Variants in PHF21A observed in about 807,000 individuals in gnomAD.
PHF21A encodes BHC80a.
Under a neutral mutation model 82.5 loss-of-function variants are expected in PHF21A, and 11 were observed. The observed-to-expected ratio is 0.13, with a 90% CI of 0.08 to 0.22. The LOEUF (loss-of-function observed/expected upper bound fraction) is 0.22, where lower values mean the gene tolerates loss of function less well. PHF21A is among the 10% of genes least tolerant of loss of function. The pLI, the probability that PHF21A is intolerant of heterozygous loss-of-function variation, is 1.00. For synonymous variants in PHF21A, 297 were observed against 302.8 expected, an observed-to-expected ratio of 0.98 and a Z score of 0.20; for missense variants, 579 against 837.8, an observed-to-expected ratio of 0.69 and a Z score of 3.81.
At chr11:46,030,031 C>G (rs1233879652) in intron 6 of PHF21A, among the ~76,000 whole-genome samples, 1 of 152,178 alleles carries the variant, frequency 6.6e-6, no homozygotes, top group Non-Finnish European at 1.5e-5. Flanking sequence ...GTATTACGCT[C>G]TGTACAAGAA....
rs1003685979 is a variant in PHF21A, at chr11:45,984,961, C to T, written c.154-4995G>A. Among the ~76,000 whole-genome samples the T allele has an allele frequency of 7.9e-5, 12 of 152,294 alleles. No homozygotes were observed. The East Asian group carries it at 2.3e-3, about 29-fold the overall frequency. ...ATCAACATGCAATTTAAAAATACAA[C>T]CTTCACTCTTTATACCAGAGGCTGA... On this transcript the variant is annotated intron_variant, in intron 6 of 18. Transcript: ENST00000676320.
At chr11:46,017,763 A>G (rs2095545567) in intron 6 of PHF21A, among the ~76,000 whole-genome samples, 1 of 152,214 alleles carries the variant, frequency 6.6e-6, no homozygotes, top group Non-Finnish European at 1.5e-5. Context: ...ACTGATAGGA[A>G]AAACTAATCT....
intron 4 of PHF21A, among the ~76,000 whole-genome samples, chr11:46,079,589 T>C (rs967315310): frequency 6.6e-6 from 1 of 152,206 alleles, no homozygotes; most frequent in Non-Finnish European, 1.5e-5. Flanking sequence ...GCAGGTCTAT[T>C]GGTTTGTTTC....
intron 7 of PHF21A, 30 bp from the exon 8 acceptor site, chr11:45,971,397 C>A (rs771170218): frequency 4.3e-5 from 68 of 1,587,354 alleles, no homozygotes; most frequent in Non-Finnish European, 5.0e-5. Context: ...GATATTAGGA[C>A]ACTAAATCTA....
At chr11:46,071,174 C>T (rs191659643) in intron 6 of PHF21A, among the ~76,000 whole-genome samples, 31 of 152,340 alleles carry the variant, frequency 2.0e-4, no homozygotes, top group Admixed American at 1.3e-4. Context: ...GAGATGTTAA[C>T]AAACCTGATG....
Position 46,084,300 on chromosome 11 carries a change from C to G in PHF21A, c.-81G>C. The G allele has an allele frequency of 1.0e-6, 1 of 955,026 alleles. No homozygotes were observed. The highest frequency in any genetic ancestry group is 1.6e-6 in the Non-Finnish European group (1 of 628,918). 59.2% of individuals were successfully genotyped at this position (955,026 alleles called of 1,614,324 possible). ...AAGTAACAAACTCCTCTTCTCACTG[C>G]AGCTGTAAAGATCATAAAATGTTTT... On this transcript the variant is annotated splice_region_variant and 5_prime_UTR_variant, in exon 4 of 19. Coordinates refer to ENST00000676320, the MANE Select transcript of PHF21A (RefSeq NM_001352027.3).
chr11:45,986,852 A>C (rs1285402007), intron 6 of PHF21A, among the ~76,000 whole-genome samples: 1 of 152,182 alleles, frequency 6.6e-6, no homozygotes, highest in Non-Finnish European at 1.5e-5. Context: ...TTGATTTTTA[A>C]CATCTAATCA....
chr11:45,996,688 T>A (rs1337623102), intron 6 of PHF21A, among the ~76,000 whole-genome samples: 1 of 152,198 alleles, frequency 6.6e-6, no homozygotes, highest in Non-Finnish European at 1.5e-5. Flanking sequence ...TGAAAGTAGG[T>A]GTTGGCACAA....
At chr11:46,000,101 A>G (rs1166616140) in intron 6 of PHF21A, among the ~76,000 whole-genome samples, 1 of 152,214 alleles carries the variant, frequency 6.6e-6, no homozygotes, top group Non-Finnish European at 1.5e-5. Context: ...TAACTGCTTG[A>G]TAGGTGTAAG....
At chr11:46,096,154 T>TCC (rs2096991689) in intron 1 of PHF21A, among the ~76,000 whole-genome samples, 1 of 152,046 alleles carries the variant, frequency 6.6e-6, no homozygotes, top group Admixed American at 6.6e-5. Flanking sequence ...TTAATAACCA[T>TCC]CCCTCTTGTA....
chr11:45,978,373 T>C (rs945920173), intron 7 of PHF21A, among the ~76,000 whole-genome samples: 4 of 152,096 alleles, frequency 2.6e-5, no homozygotes, highest in Admixed American at 6.5e-5. Flanking sequence ...CTCTTAGGAT[T>C]AGGGTGAGGA....
At chr11:46,068,643 A>C (rs2096621962) in intron 6 of PHF21A, among the ~76,000 whole-genome samples, 2 of 152,314 alleles carry the variant, frequency 1.3e-5, no homozygotes, top group South Asian at 4.1e-4. Context: ...AACTGCTCTC[A>C]GCTAAGCAAT....
intron 6 of PHF21A, among the ~76,000 whole-genome samples, chr11:46,021,002 T>C (rs989166722): frequency 2.0e-5 from 3 of 151,396 alleles, no homozygotes; most frequent in African/African-American, 7.3e-5. Context: ...TATTGGACCA[T>C]AACTCCATCA....
At chr11:45,961,065 T>TA (rs1374731308) in intron 10 of PHF21A, among the ~76,000 whole-genome samples, 1 of 152,182 alleles carries the variant, frequency 6.6e-6, no homozygotes, top group Non-Finnish European at 1.5e-5. Flanking sequence ...GAATTAAGAA[T>TA]AAAAGCGGGA....
chr11:45,988,719 G>A (rs752904893), intron 6 of PHF21A, among the ~76,000 whole-genome samples: 13 of 151,818 alleles, frequency 8.6e-5, no homozygotes, highest in Non-Finnish European at 1.2e-4. Context: ...CAAAAATCCC[G>A]TCTCTACAGA....
chr11:46,076,379 T>C (rs1269799289), intron 6 of PHF21A, among the ~76,000 whole-genome samples: 3 of 152,202 alleles, frequency 2.0e-5, no homozygotes, highest in African/African-American at 7.2e-5. Context: ...GTAAGTTTAA[T>C]GTCAGCTCAA....
intron 3 of PHF21A, among the ~76,000 whole-genome samples, chr11:46,089,068 A>C (rs187844519): frequency 6.6e-6 from 1 of 152,280 alleles, no homozygotes; most frequent in East Asian, 1.9e-4. Flanking sequence ...TGTCCCTAAA[A>C]AGGACAACTC....
intron 1 of PHF21A, among the ~76,000 whole-genome samples, chr11:46,097,192 C>T (rs557436875): frequency 6.6e-6 from 1 of 152,290 alleles, no homozygotes; most frequent in East Asian, 1.9e-4. Context: ...TATATTCTCT[C>T]GCAAGCCAGA....
At chr11:46,109,442 ATG>A (rs2097186995) in intron 1 of PHF21A, among the ~76,000 whole-genome samples, 3 of 152,320 alleles carry the variant, frequency 2.0e-5, no homozygotes, top group Middle Eastern at 3.4e-3. Context: ...TTTCTCCAAA[ATG>A]TGTGTATGTC....
Sources: gnomAD v4.1 joint callset for allele counts (sites outside exome capture counted in the v4.1 genomes callset) on GRCh38, gnomAD v4.1.1 for gene constraint, MANE v1.5 for transcripts, NCBI Gene and HGNC (gene_info 2026-07-23, HGNC 2026-07-21) for gene names.